Variants in ROCK2 observed in about 807,000 individuals in gnomAD.
ROCK2 encodes rho-associated protein kinase 2.
A neutral mutation model predicts 195.1 loss-of-function variants in ROCK2; 61 were observed. The observed-to-expected ratio is 0.31, with a 90% CI of 0.25 to 0.39. The LOEUF is 0.39. Among genes scored for constraint, ROCK2 ranks in the 10% least tolerant of loss-of-function variants. The pLI is 1.00. For missense variants in ROCK2, 1,109 were observed against 1,637.4 expected (o/e 0.68, Z 5.57); for synonymous variants, 504 against 545.5 (o/e 0.92, Z 1.06).
At chr2:11,325,969 A>G (rs533917002) in intron 1 of ROCK2, among the ~76,000 whole-genome samples, 1 of 152,354 alleles carries the variant, frequency 6.6e-6, no homozygotes, top group South Asian at 2.1e-4. Flanking sequence ...GATCGAAGCT[A>G]AATGGATAGT....
At chr2:11,251,714 G>A (rs984774619) in intron 3 of ROCK2, among the ~76,000 whole-genome samples, 51 of 152,168 alleles carry the variant, frequency 3.4e-4, no homozygotes, top group Non-Finnish European at 6.2e-4. Flanking sequence ...ACTATCATCA[G>A]AGTGAACAGG....
intron 23 of ROCK2, 21 bp from the exon 24 acceptor site, chr2:11,198,795 AAAT>A (rs768970201): frequency 9.8e-6 from 13 of 1,327,096 alleles, no homozygotes; most frequent in Non-Finnish European, 1.3e-5. Context: ...AAAGAGGAAA[AAAT>A]AATCACATCC....
intron 1 of ROCK2, among the ~76,000 whole-genome samples, chr2:11,314,264 A>T (rs894398000): frequency 6.6e-6 from 1 of 151,970 alleles, no homozygotes; most frequent in African/African-American, 2.4e-5. Flanking sequence ...ATTACTATGA[A>T]TGTTTTCTAA....
At chr2:11,301,927 T>C (rs1333170858) in intron 1 of ROCK2, among the ~76,000 whole-genome samples, 1 of 152,080 alleles carries the variant, frequency 6.6e-6, no homozygotes, top group Non-Finnish European at 1.5e-5. Context: ...TCGCTCAGCC[T>C]CCCAACTAGC....
intron 1 of ROCK2, among the ~76,000 whole-genome samples, chr2:11,334,436 G>T (rs766886503): frequency 6.6e-6 from 1 of 150,934 alleles, no homozygotes; most frequent in Non-Finnish European, 1.5e-5. Context: ...CCTTGAACCC[G>T]GGAGGCAGAG....
At position 11,235,958 on chromosome 2, in the gene ROCK2, A is replaced by C; in HGVS notation, c.467T>G (p.Phe156Cys). 1 of 1,422,374 alleles carries C rather than the reference A, an allele frequency of 7.0e-7. No individual in the cohort carries two copies. The highest frequency in any genetic ancestry group is 9.2e-7 in the Non-Finnish European group (1 of 1,081,462). The allele number at this position is 1,422,374 out of a possible 1,614,324, so 88.1% of individuals were successfully genotyped here. A position where few individuals can be genotyped will look rare whatever the true frequency, so the allele number is the denominator to read the frequency against. ...FANSPWVVQL[F>C]YAFQDDRYLY... Reference sequence around the variant, plus strand: ...ATACCTATCATCTTGAAAGGCATAAAAAAGCTGGAAAACAAAAGGAAAAGG... The same window carrying C: ...ATACCTATCATCTTGAAAGGCATAACAAAGCTGGAAAACAAAAGGAAAAGG... Residue 156 changes from phenylalanine to cysteine, a missense_variant, in exon 5 of 33, where the codon TTT (phenylalanine) becomes TGT (cysteine). Transcript: ENST00000315872. The surrounding 1 kb of genome is among the most constrained non-coding windows in gnomAD (Gnocchi z 4.2).
At chr2:11,250,546 G>A (rs1396576912) in intron 3 of ROCK2, among the ~76,000 whole-genome samples, 1 of 152,208 alleles carries the variant, frequency 6.6e-6, no homozygotes, top group Non-Finnish European at 1.5e-5. Flanking sequence ...ATACTTGGAT[G>A]TCTAATAGGA....
chr2:11,344,441 G>A lies in ROCK2; in HGVS notation c.-305C>T. ...TGGTCCTCAGCGAGTGCCCGCAGGA[G>A]TCCTCGGGCGGGAGCAGGGAAGTGG... On this transcript the variant is annotated 5_prime_UTR_variant, in exon 1 of 33. Transcript: ENST00000315872. The surrounding 1 kb of genome is among the most constrained non-coding windows in gnomAD (Gnocchi z 5.4). 9.6e-7 allele frequency: 1 copy of A among 1,036,992 alleles called. No individual in the cohort carries two copies. The highest frequency in any genetic ancestry group is 1.2e-6 in the Non-Finnish European group (1 of 864,196). 64.2% of individuals were successfully genotyped at this position (1,036,992 alleles called of 1,614,324 possible). A position where few individuals can be genotyped will look rare whatever the true frequency, so the allele number is the denominator to read the frequency against.
At chr2:11,308,075 G>A in intron 1 of ROCK2, 5 of 1,608,380 alleles carry the variant, frequency 3.1e-6, no homozygotes, top group Non-Finnish European at 4.2e-6. Flanking sequence ...CCAGTTTTAG[G>A]AGAGGCGCCG....
chr2:11,304,793 CCG>C (rs1203622533), intron 1 of ROCK2, among the ~76,000 whole-genome samples: 2 of 152,166 alleles, frequency 1.3e-5, no homozygotes, highest in Admixed American at 1.3e-4. Context: ...GAAATCACAA[CCG>C]GTACCCTACA....
At position 11,196,958 on chromosome 2, in the gene ROCK2, A is replaced by G. The variant is rs1160542694; in HGVS notation, c.3448+222T>C. ...GAGCTAATATAATAATTTAAAAACTAGACATGTGGAGTTTTTCTTTTGTAT... is the reference window on the plus strand; with the variant it reads ...GAGCTAATATAATAATTTAAAAACTGGACATGTGGAGTTTTTCTTTTGTAT... On this transcript the variant is annotated intron_variant, in intron 27 of 32. Coordinates refer to ENST00000315872, the MANE Select transcript of ROCK2 (RefSeq NM_004850.5). 4.6e-5 allele frequency among the ~76,000 whole-genome samples: 7 copies of G among 152,334 alleles called. No individual in the cohort carries two copies. In the East Asian group the frequency reaches 1.3e-3, roughly 29 times the overall value.
intron 1 of ROCK2, among the ~76,000 whole-genome samples, chr2:11,296,005 G>GGGGAGAGGGC (rs766082679): frequency 1.9e-4 from 2 of 10,334 alleles, no homozygotes; most frequent in East Asian, 0.013. Flanking sequence ...GAGAGAGAGA[G>GGGGAGAGGGC]GAGAGAGAGA....
chr2:11,328,818 C>CA (rs1196155517), intron 1 of ROCK2, among the ~76,000 whole-genome samples: 1 of 149,346 alleles, frequency 6.7e-6, no homozygotes, highest in Non-Finnish European at 1.5e-5. Context: ...ATCGCAAGGA[C>CA]AAAAAACCAA....
In ROCK2 at chr2:11,192,861, A is replaced by G; in HGVS notation, c.3688-149T>C. The G allele has an allele frequency of 1.1e-6, 1 of 928,870 alleles. No individual in the cohort carries two copies. Among genetic ancestry groups the G allele is most frequent in the Non-Finnish European group, 1.6e-6 (1 of 640,454 alleles). 57.5% of individuals were successfully genotyped at this position (928,870 alleles called of 1,614,324 possible). ...GAAGTACAAACTTAAGCTCTTGATTACGCAAACTTAATCAAGAGCTTATAT... is the reference window on the plus strand; with the variant it reads ...GAAGTACAAACTTAAGCTCTTGATTGCGCAAACTTAATCAAGAGCTTATAT... On this transcript the variant is annotated intron_variant, in intron 30 of 32. Coordinates refer to ENST00000315872, the MANE Select transcript of ROCK2 (RefSeq NM_004850.5). This position sits in a 1 kb window ranked among gnomAD's most constrained non-coding sequence, Gnocchi z 5.0.
intron 1 of ROCK2, among the ~76,000 whole-genome samples, chr2:11,322,989 T>C (rs922785085): frequency 1.3e-5 from 2 of 152,206 alleles, no homozygotes; most frequent in African/African-American, 4.8e-5. Context: ...TCCAAAGCAG[T>C]GCTCTTTTGA....
At chr2:11,199,613 G>A (rs1438348601) in intron 23 of ROCK2, among the ~76,000 whole-genome samples, 1 of 151,924 alleles carries the variant, frequency 6.6e-6, no homozygotes, top group East Asian at 1.9e-4. Context: ...TTACAGGCAT[G>A]AGCCACCATG....
intron 1 of ROCK2, among the ~76,000 whole-genome samples, chr2:11,294,789 C>CT (rs1667461307): frequency 6.6e-6 from 1 of 151,686 alleles, no homozygotes; most frequent in Admixed American, 6.6e-5. Context: ...TACTATTTTT[C>CT]TTTTTTGAGA....
chr2:11,286,458 T>C lies in ROCK2; in HGVS notation c.324+81A>G, dbSNP rs1667193687. 3.5e-6 allele frequency: 3 copies of C among 852,570 alleles called. No individual in the cohort carries two copies. In the Admixed American group the frequency reaches 6.3e-5, roughly 18 times the overall value. 52.8% of individuals were successfully genotyped at this position (852,570 alleles called of 1,614,324 possible). A position where few individuals can be genotyped will look rare whatever the true frequency, so the allele number is the denominator to read the frequency against. Reference sequence around the variant, plus strand: ...TTCTGGCATGGGTGGGCATAGAAATTAGATCTACTCAGCTGCTATTGATAA... The same window carrying C: ...TTCTGGCATGGGTGGGCATAGAAATCAGATCTACTCAGCTGCTATTGATAA... On this transcript the variant is annotated intron_variant, in intron 3 of 32. Transcript: ENST00000315872.
intron 30 of ROCK2, among the ~76,000 whole-genome samples, chr2:11,193,502 C>T (rs1663512433): frequency 6.6e-6 from 1 of 152,032 alleles, no homozygotes; most frequent in African/African-American, 2.4e-5. Flanking sequence ...TCATAACCAA[C>T]CTTAAACAAA....
Sources: gnomAD v4.1 joint callset for allele counts (sites outside exome capture counted in the v4.1 genomes callset) on GRCh38, gnomAD v4.1.1 for gene constraint, Gnocchi (gnomAD v3.1) non-coding constraint, MANE v1.5 for transcripts, NCBI Gene and HGNC (gene_info 2026-07-23, HGNC 2026-07-21) for gene names.